Variants in CEP83 observed in about 807,000 individuals in gnomAD.
CEP83 encodes the protein centrosomal protein 83.
Under a neutral mutation model 101.9 loss-of-function variants are expected in CEP83, and 70 were observed. That is an observed-to-expected ratio of 0.69 (90% confidence interval 0.57 to 0.84). The LOEUF (loss-of-function observed/expected upper bound fraction) is 0.84. Ranked by LOEUF, CEP83 falls within the 40% of genes least tolerant of loss-of-function variation. The probability of loss-of-function intolerance (pLI) is 0.00; values close to 1 mark genes in which losing one functional copy is unlikely to be tolerated. For synonymous variants in CEP83, 264 were observed against 267.9 expected, an observed-to-expected ratio of 0.99 and a Z score of 0.14; for missense variants, 715 against 787.2, an observed-to-expected ratio of 0.91 and a Z score of 1.10.
intron 2 of CEP83, among the ~76,000 whole-genome samples, chr12:94,420,482 C>G (rs1036564814): frequency 2.0e-5 from 3 of 152,206 alleles, no homozygotes; most frequent in African/African-American, 7.2e-5. Context: ...CAACCTGTAG[C>G]CCATGGGCCA....
intron 11 of CEP83, among the ~76,000 whole-genome samples, chr12:94,356,330 T>C (rs2060473829): frequency 6.6e-6 from 1 of 152,200 alleles, no homozygotes; most frequent in African/African-American, 2.4e-5. Context: ...ACAGAGCATG[T>C]TTATTTGCCA....
intron 2 of CEP83, among the ~76,000 whole-genome samples, chr12:94,420,279 C>T (rs2137958439): frequency 6.6e-6 from 1 of 152,202 alleles, no homozygotes; most frequent in African/African-American, 2.4e-5. Flanking sequence ...CTCTCCTGGG[C>T]ATATATCCAC....
the CEP83 span, among the ~76,000 whole-genome samples, chr12:94,275,854 CAAAAAA>C: frequency 1.3e-4 from 3 of 23,074 alleles, no homozygotes; most frequent in Admixed American, 1.3e-3. Flanking sequence ...GACTCCGTCT[CAAAAAA>C]AAAAAAAAAA....
intron 6 of CEP83, among the ~76,000 whole-genome samples, chr12:94,387,685 C>G (rs1217110609): frequency 6.6e-6 from 1 of 152,108 alleles, no homozygotes; most frequent in African/African-American, 2.4e-5. Context: ...AACTATGCAT[C>G]TGACAAAGTT....
chr12:94,446,727 A>C (rs564708150), intron 1 of CEP83, among the ~76,000 whole-genome samples: 2 of 152,282 alleles, frequency 1.3e-5, no homozygotes, highest in African/African-American at 4.8e-5. Flanking sequence ...AAAAATAAAA[A>C]ATAATGTTAA....
At chr12:94,416,975 A>AC (rs1227076243) in intron 2 of CEP83, among the ~76,000 whole-genome samples, 1 of 151,114 alleles carries the variant, frequency 6.6e-6, no homozygotes, top group African/African-American at 2.4e-5. Context: ...CCCTCCCGCA[A>AC]CCCCCCTCCC....
At chr12:94,375,277 A>C (rs1311746332) in intron 8 of CEP83, among the ~76,000 whole-genome samples, 1 of 152,204 alleles carries the variant, frequency 6.6e-6, no homozygotes, top group Non-Finnish European at 1.5e-5. Context: ...TGTGAAGACA[A>C]GGAAAGCCTC....
chr12:94,284,896 TG>T, the CEP83 span, among the ~76,000 whole-genome samples: 1 of 151,686 alleles, frequency 6.6e-6, no homozygotes. Flanking sequence ...AGAAAATGAG[TG>T]GGGCTGTGTG....
At chr12:94,345,976 G>A (rs2136686384) in intron 11 of CEP83, among the ~76,000 whole-genome samples, 1 of 152,290 alleles carries the variant, frequency 6.6e-6, no homozygotes, top group East Asian at 1.9e-4. Flanking sequence ...TGTGCTAGGA[G>A]AATGGCACAC....
the CEP83 span, chr12:94,281,920 C>T: frequency 8.0e-5 from 17 of 211,540 alleles, no homozygotes; most frequent in Admixed American, 3.8e-4. Context: ...CCCTCCACCC[C>T]GAACAGGAGC....
chr12:94,348,809 T>C (rs1051774117), intron 11 of CEP83, among the ~76,000 whole-genome samples: 2 of 152,174 alleles, frequency 1.3e-5, no homozygotes, highest in South Asian at 2.1e-4. Flanking sequence ...TCTACGACAA[T>C]GTCCAACTGT....
chr12:94,358,125 TAA>T (rs1457379903), intron 11 of CEP83, among the ~76,000 whole-genome samples: 2 of 152,200 alleles, frequency 1.3e-5, no homozygotes, highest in East Asian at 1.9e-4. Context: ...TTGAAGTTGG[TAA>T]AGTCACTGAA....
intron 6 of CEP83, among the ~76,000 whole-genome samples, chr12:94,387,018 C>T (rs1187858333): frequency 6.6e-6 from 1 of 152,176 alleles, no homozygotes; most frequent in African/African-American, 2.4e-5. Flanking sequence ...AAAGGACTCC[C>T]TATTTAATAA....
chr12:94,281,437 T>G, the CEP83 span, among the ~76,000 whole-genome samples: 2 of 152,300 alleles, frequency 1.3e-5, no homozygotes, highest in Admixed American at 1.3e-4. Flanking sequence ...CAGTGGAGCT[T>G]GACTTAATGG....
intron 11 of CEP83, among the ~76,000 whole-genome samples, chr12:94,342,894 C>T (rs4381403): frequency 6.6e-6 from 1 of 151,926 alleles, no homozygotes; most frequent in African/African-American, 2.4e-5. Flanking sequence ...TGAAACTCAC[C>T]TTTATGAAAC....
At chr12:94,333,045 C>CAAAAAAAAAAAA (rs34900007) in intron 13 of CEP83, among the ~76,000 whole-genome samples, 2 of 73,162 alleles carry the variant, frequency 2.7e-5, no homozygotes, top group Admixed American at 1.6e-4. Flanking sequence ...ATTTTAAGAC[C>CAAAAAAAAAAAA]AAAAAAAAAA....
chr12:94,447,622 T>G (rs2066907219), intron 1 of CEP83, among the ~76,000 whole-genome samples: 1 of 152,158 alleles, frequency 6.6e-6, no homozygotes, highest in Non-Finnish European at 1.5e-5. Context: ...TTTAAAGACA[T>G]AAGACTACAT....
chr12:94,385,818 C>G (rs1361742547), intron 6 of CEP83, among the ~76,000 whole-genome samples: 1 of 152,196 alleles, frequency 6.6e-6, no homozygotes, highest in Non-Finnish European at 1.5e-5. Flanking sequence ...CAACAGTCCA[C>G]ATACATATGA....
intron 11 of CEP83, among the ~76,000 whole-genome samples, chr12:94,363,800 T>G (rs970789121): frequency 2.0e-5 from 3 of 151,632 alleles, no homozygotes; most frequent in Non-Finnish European, 4.4e-5. Flanking sequence ...ATACAAAAAT[T>G]AGCCAGGTAT....
Sources: gnomAD v4.1 joint callset for allele counts (sites outside exome capture counted in the v4.1 genomes callset) on GRCh38, gnomAD v4.1.1 for gene constraint, MANE v1.5 for transcripts, NCBI Gene and HGNC (gene_info 2026-07-23, HGNC 2026-07-21) for gene names.